GMDS: variants seen among roughly 807,000 people sequenced by gnomAD.
The protein encoded by GMDS is GDP-mannose 4,6 dehydratase.
A neutral mutation model predicts 49.9 loss-of-function variants in GMDS; 20 were observed. That is an observed-to-expected ratio of 0.40 (90% CI 0.28 to 0.58). The LOEUF is 0.58. GMDS is among the 20% of genes least tolerant of loss of function. The pLI, the probability that GMDS is intolerant of heterozygous loss-of-function variation, is 0.42. For missense variants in GMDS, 362 were observed against 481.4 expected (o/e 0.75, Z 2.32); for synonymous variants, 177 against 178.6 (o/e 0.99, Z 0.07).
chr6:1,977,772 G>C (rs187530495), intron 4 of GMDS, among the ~76,000 whole-genome samples: 3 of 152,146 alleles, frequency 2.0e-5, no homozygotes, highest in Non-Finnish European at 4.4e-5. Context: ...AGATCCCCTC[G>C]TGAGCCCATG....
At chr6:2,243,737 T>G (rs1781720152) in intron 1 of GMDS, among the ~76,000 whole-genome samples, 1 of 151,848 alleles carries the variant, frequency 6.6e-6, no homozygotes, top group Non-Finnish European at 1.5e-5. Flanking sequence ...ATGATTACCT[T>G]AAGCAAAGCA....
intron 7 of GMDS, among the ~76,000 whole-genome samples, chr6:1,802,612 C>T (rs192524454): frequency 3.3e-5 from 5 of 152,188 alleles, no homozygotes. Context: ...GGACCTGCTC[C>T]GCTGTTGTTC....
rs1016707041 is a variant in GMDS at position 1,833,016 on chromosome 6, C to T, written c.772-90430G>A. 1.3e-5 allele frequency among the ~76,000 whole-genome samples: 2 copies of T among 152,030 alleles called. No homozygotes were observed. The highest frequency in any genetic ancestry group is 4.8e-5 in the African/African-American group (2 of 41,382). Reference sequence around the variant, plus strand: ...AGATCATTAGTAGCACTGAGTGCAACCACTGTCAGTTTTGTGGGGTTGGCC... The same window carrying T: ...AGATCATTAGTAGCACTGAGTGCAATCACTGTCAGTTTTGTGGGGTTGGCC... On this transcript the variant is annotated intron_variant, in intron 7 of 10. Transcript: ENST00000380815. This position sits in a 1 kb window ranked among gnomAD's most constrained non-coding sequence, Gnocchi z 4.4.
chr6:2,143,631 G>C (rs975108089), intron 1 of GMDS, among the ~76,000 whole-genome samples: 2 of 152,178 alleles, frequency 1.3e-5, no homozygotes, highest in African/African-American at 2.4e-5. Context: ...CTGTGGGAGA[G>C]GCAAGGCGCC....
intron 1 of GMDS, among the ~76,000 whole-genome samples, chr6:2,224,094 G>A (rs936793682): frequency 2.0e-5 from 3 of 152,206 alleles, no homozygotes; most frequent in Non-Finnish European, 2.9e-5. Context: ...GGGTTTAGCC[G>A]TGAAAGGTAA....
At chr6:1,986,966 T>C (rs1469637029) in intron 4 of GMDS, among the ~76,000 whole-genome samples, 2 of 152,206 alleles carry the variant, frequency 1.3e-5, no homozygotes, top group Non-Finnish European at 2.9e-5. Context: ...CACTATTCTC[T>C]TTATTTCACA....
chr6:2,090,452 C>A (rs189624350), intron 4 of GMDS, among the ~76,000 whole-genome samples: 7 of 152,166 alleles, frequency 4.6e-5, no homozygotes, highest in African/African-American at 1.7e-4. Context: ...ACCAACAGTA[C>A]ATAGAAAATA....
intron 9 of GMDS, among the ~76,000 whole-genome samples, chr6:1,633,594 T>G (rs1581391485): frequency 6.6e-6 from 1 of 151,436 alleles, no homozygotes; most frequent in South Asian, 2.1e-4. Flanking sequence ...TCCACAGAGG[T>G]CACTGGATCA....
intron 4 of GMDS, among the ~76,000 whole-genome samples, chr6:1,972,243 C>A (rs1764654702): frequency 6.8e-6 from 1 of 147,420 alleles, no homozygotes; most frequent in African/African-American, 2.5e-5. Context: ...AAATATTAAA[C>A]TAAGTCTCCT....
intron 9 of GMDS, among the ~76,000 whole-genome samples, chr6:1,655,118 A>G (rs1303090453): frequency 3.3e-5 from 5 of 152,006 alleles, no homozygotes; most frequent in Non-Finnish European, 7.4e-5. Context: ...ATAACTCACT[A>G]TACTGAATCA....
intron 1 of GMDS, among the ~76,000 whole-genome samples, chr6:2,208,854 T>TAA (rs34346221): frequency 0.013 from 1,781 of 142,392 alleles, 28 homozygotes; most frequent in African/African-American, 0.035. Context: ...TGGGCTACAT[T>TAA]AAAAAAAAAA....
chr6:2,113,057 T>C (rs189550804), intron 4 of GMDS, among the ~76,000 whole-genome samples: 9 of 152,324 alleles, frequency 5.9e-5, no homozygotes, highest in East Asian at 5.8e-4. Context: ...AGCTACCTTA[T>C]AGCCTGCTTC....
chr6:1,646,050 A>T (rs1763472907), intron 9 of GMDS, among the ~76,000 whole-genome samples: 1 of 152,202 alleles, frequency 6.6e-6, no homozygotes, highest in South Asian at 2.1e-4. Context: ...TTAAAACTGA[A>T]GTCAATGTAT....
intron 7 of GMDS, among the ~76,000 whole-genome samples, chr6:1,832,038 A>C (rs748553268): frequency 1.3e-5 from 2 of 152,074 alleles, no homozygotes; most frequent in African/African-American, 2.4e-5. Flanking sequence ...TGGTTTGATT[A>C]GCACTAAGTG....
At chr6:2,019,797 T>C (rs774496293) in intron 4 of GMDS, among the ~76,000 whole-genome samples, 3 of 152,148 alleles carry the variant, frequency 2.0e-5, no homozygotes, top group Non-Finnish European at 4.4e-5. Flanking sequence ...TGAAAGGGTG[T>C]TTTATTTTTT....
At chr6:2,180,315 T>C (rs1376651379) in intron 1 of GMDS, among the ~76,000 whole-genome samples, 1 of 152,226 alleles carries the variant, frequency 6.6e-6, no homozygotes, top group Non-Finnish European at 1.5e-5. Context: ...AAAAGACTAA[T>C]GCTACAGAGA....
At chr6:1,641,562 A>G (rs1351135855) in intron 9 of GMDS, among the ~76,000 whole-genome samples, 3 of 152,204 alleles carry the variant, frequency 2.0e-5, no homozygotes, top group Admixed American at 2.0e-4. Context: ...AGTGCTTAGC[A>G]CTGGGGAAGG....
chr6:1,712,843 G>A (rs1200854962), intron 9 of GMDS, among the ~76,000 whole-genome samples: 1 of 152,194 alleles, frequency 6.6e-6, no homozygotes, highest in Non-Finnish European at 1.5e-5. Context: ...AGGTTATTAA[G>A]TTTGGATTTC....
intron 7 of GMDS, among the ~76,000 whole-genome samples, chr6:1,758,372 C>T (rs1321449871): frequency 1.3e-5 from 2 of 152,154 alleles, no homozygotes; most frequent in East Asian, 1.9e-4. Flanking sequence ...AGGCACTTGA[C>T]GTTTGAATGC....
Sources: gnomAD v4.1 joint callset for allele counts (sites outside exome capture counted in the v4.1 genomes callset) on GRCh38, gnomAD v4.1.1 for gene constraint, Gnocchi (gnomAD v3.1) non-coding constraint, MANE v1.5 for transcripts, NCBI Gene and HGNC (gene_info 2026-07-23, HGNC 2026-07-21) for gene names.